The following MARCHF1 variants were observed in gnomAD, a reference collection of about 807,000 sequenced individuals.
MARCHF1 encodes E3 ubiquitin-protein ligase MARCHF1.
Under a neutral mutation model 54.2 loss-of-function variants are expected in MARCHF1, and 40 were observed. That is an observed-to-expected ratio of 0.74 (90% confidence interval 0.57 to 0.96). The LOEUF (loss-of-function observed/expected upper bound fraction) is 0.96. Ranked by LOEUF, MARCHF1 falls within the 40% of genes least tolerant of loss-of-function variation. The pLI is 0.00. For synonymous variants in MARCHF1, 236 were observed against 236.3 expected, an observed-to-expected ratio of 1.00 and a Z score of 0.01; for missense variants, 586 against 656.5, an observed-to-expected ratio of 0.89 and a Z score of 1.17.
In MARCHF1 at chr4:164,185,805, CACACA is replaced by C. The variant is rs1170160217; in HGVS notation, c.-322-74148_-322-74144del. Reference sequence around the variant, plus strand: ...AAAACTAGTCACACACACACACACACACACAAAAAAAAAAACATTTCAAGACAATA... The same window carrying C: ...AAAACTAGTCACACACACACACACACAAAAAAAAAACATTTCAAGACAATA... On this transcript the variant is annotated intron_variant, in intron 1 of 9. Coordinates refer to ENST00000514618, the MANE Select transcript of MARCHF1 (RefSeq NM_001394959.1). Among the ~76,000 whole-genome samples the C allele has an allele frequency of 7.9e-3, 345 of 43,626 alleles. 2 individuals are homozygous for C. The highest frequency in any genetic ancestry group is 0.022 in the African/African-American group (319 of 14,708). The allele number at this position is 43,626 out of a possible 152,430, so 28.6% of individuals were successfully genotyped here.
intron 1 of MARCHF1, among the ~76,000 whole-genome samples, chr4:164,308,130 A>T (rs1458150066): frequency 3.3e-5 from 5 of 152,194 alleles, no homozygotes; most frequent in Non-Finnish European, 7.4e-5. Context: ...GAGCCATGAG[A>T]TCAAGCATTC....
At chr4:163,595,452 AGT>A (rs144099271) in intron 7 of MARCHF1, among the ~76,000 whole-genome samples, 43,053 of 151,900 alleles carry the variant, frequency 0.28, 6,914 homozygotes, top group Middle Eastern at 0.39. Flanking sequence ...GAGAGATTGC[AGT>A]TGCAGTGAGC....
At chr4:164,187,209 G>C (rs1730992849) in intron 1 of MARCHF1, among the ~76,000 whole-genome samples, 1 of 152,088 alleles carries the variant, frequency 6.6e-6, no homozygotes. Flanking sequence ...AATCTACAAA[G>C]CTGTTGTGGG....
At chr4:163,680,680 C>CT (rs1455888803) in intron 5 of MARCHF1, among the ~76,000 whole-genome samples, 1 of 152,156 alleles carries the variant, frequency 6.6e-6, no homozygotes, top group African/African-American at 2.4e-5. Flanking sequence ...GACTTCTAAA[C>CT]TTTTTTTCTA....
intron 5 of MARCHF1, among the ~76,000 whole-genome samples, chr4:163,650,320 A>AT (rs940007585): frequency 1.3e-5 from 2 of 151,972 alleles, no homozygotes; most frequent in Admixed American, 6.6e-5. Flanking sequence ...TTAGAAGTAA[A>AT]TATTTATACA....
intron 1 of MARCHF1, chr4:164,188,500 C>T (rs1731036682): frequency 1.5e-6 from 1 of 682,216 alleles, no homozygotes; most frequent in South Asian, 1.6e-5. Flanking sequence ...CCTACTGCTG[C>T]GTCTGTGTGT....
intron 3 of MARCHF1, among the ~76,000 whole-genome samples, chr4:163,857,466 G>A (rs150991195): frequency 2.2e-4 from 33 of 152,178 alleles, no homozygotes; most frequent in African/African-American, 7.9e-4. Flanking sequence ...ACTTTAAAAT[G>A]TAAGTATCAT....
intron 4 of MARCHF1, among the ~76,000 whole-genome samples, chr4:163,736,400 T>C (rs772221758): frequency 3.9e-5 from 6 of 152,102 alleles, no homozygotes; most frequent in Admixed American, 6.6e-5. Flanking sequence ...GAGCAGGACA[T>C]TGAGATTTCA....
At chr4:164,118,681 A>G (rs1755992916) in intron 1 of MARCHF1, among the ~76,000 whole-genome samples, 1 of 151,732 alleles carries the variant, frequency 6.6e-6, no homozygotes, top group South Asian at 2.1e-4. Context: ...AACAATATTG[A>G]TTAAGAAAAG....
At chr4:163,882,174 C>A (rs145387359) in intron 3 of MARCHF1, among the ~76,000 whole-genome samples, 4 of 152,232 alleles carry the variant, frequency 2.6e-5, no homozygotes, top group African/African-American at 4.8e-5. Flanking sequence ...TTTTGAAAGT[C>A]TTTTTAAAAA....
Position 163,701,226 on chromosome 4 carries a change from G to A in MARCHF1, c.112-363C>T, listed in dbSNP as rs1384595153. Among the ~76,000 whole-genome samples, 5 of 152,104 alleles carry A rather than the reference G, an allele frequency of 3.3e-5. No individual in the cohort carries two copies. In the East Asian group the frequency reaches 5.8e-4, roughly 18 times the overall value. On this transcript the variant is annotated intron_variant, in intron 4 of 9. Coordinates refer to ENST00000514618, the MANE Select transcript of MARCHF1 (RefSeq NM_001394959.1). The stretch of plus-strand genomic sequence containing the variant: ...CCCTCTTGCCCTTGCAACTAGGAAA[G>A]TTTGAGTCAATTCTGGTTTTCAATA...
chr4:163,613,260 A>C, intron 6 of MARCHF1, 54 bp downstream of exon 6: 1 of 1,521,818 alleles, frequency 6.6e-7, no homozygotes, highest in Non-Finnish European at 8.9e-7. Context: ...AAACAACAAG[A>C]ATACGAATAT....
At chr4:164,190,289 C>G (rs113417063) in intron 1 of MARCHF1, 13,107 of 795,482 alleles carry the variant, frequency 0.016, 360 homozygotes, top group East Asian at 0.11. Flanking sequence ...GAAGTGCAAG[C>G]CCTCTCCCAG....
chr4:163,803,704 C>T (rs761284803), intron 4 of MARCHF1, among the ~76,000 whole-genome samples: 1 of 151,712 alleles, frequency 6.6e-6, no homozygotes, highest in African/African-American at 2.4e-5. Flanking sequence ...CTGTAATGAT[C>T]TTTTGCATCT....
At chr4:163,862,011 C>T (rs1313370742) in intron 3 of MARCHF1, among the ~76,000 whole-genome samples, 1 of 152,004 alleles carries the variant, frequency 6.6e-6, no homozygotes, top group Non-Finnish European at 1.5e-5. Context: ...ATTGGACATT[C>T]ATATGCAAAA....
At chr4:163,772,526 T>C (rs1412383120) in intron 4 of MARCHF1, among the ~76,000 whole-genome samples, 2 of 152,136 alleles carry the variant, frequency 1.3e-5, no homozygotes, top group Non-Finnish European at 2.9e-5. Flanking sequence ...ATTCAGTTCC[T>C]TGTGGTTGCA....
chr4:164,145,731 A>T (rs369681514), intron 1 of MARCHF1, among the ~76,000 whole-genome samples: 1,737 of 148,430 alleles, frequency 0.012, 29 homozygotes, highest in East Asian at 0.08. Context: ...AATGGGCAAA[A>T]ACTGGAAGCA....
intron 5 of MARCHF1, among the ~76,000 whole-genome samples, chr4:163,669,822 C>A (rs1328214380): frequency 1.3e-5 from 2 of 152,036 alleles, no homozygotes; most frequent in African/African-American, 4.8e-5. Flanking sequence ...TGATCTTGAA[C>A]TTCTGAGCTC....
chr4:164,289,158 G>A (rs1054583998), intron 1 of MARCHF1, among the ~76,000 whole-genome samples: 1 of 151,876 alleles, frequency 6.6e-6, no homozygotes, highest in African/African-American at 2.4e-5. Flanking sequence ...TTCTGGCTGG[G>A]TGTAGAAATG....
Sources: gnomAD v4.1 joint callset for allele counts (sites outside exome capture counted in the v4.1 genomes callset) on GRCh38, gnomAD v4.1.1 for gene constraint, MANE v1.5 for transcripts, NCBI Gene and HGNC (gene_info 2026-07-23, HGNC 2026-07-21) for gene names.